The following GDAP1L1 variants were observed in gnomAD, a reference collection of about 807,000 sequenced individuals.
The protein encoded by GDAP1L1 is ganglioside induced differentiation associated protein 1 like 1.
In GDAP1L1, 21 loss-of-function variants were observed where a neutral mutation model predicts 37.1. The ratio of observed to expected loss-of-function variants is 0.57; its 90% confidence interval spans 0.40 to 0.81. The LOEUF (loss-of-function observed/expected upper bound fraction) is 0.81. Among genes scored for constraint, GDAP1L1 ranks in the 40% least tolerant of loss-of-function variants. GDAP1L1 has a pLI of 0.00. For synonymous variants in GDAP1L1, 193 were observed against 209.1 expected, an observed-to-expected ratio of 0.92 and a Z score of 0.67; for missense variants, 362 against 491.6, an observed-to-expected ratio of 0.74 and a Z score of 2.49.
chr20:44,268,884 A>G (rs913475744), intron 5 of GDAP1L1, among the ~76,000 whole-genome samples: 17 of 152,204 alleles, frequency 1.1e-4, no homozygotes, highest in Non-Finnish European at 1.0e-4. Context: ...TACAATGGGA[A>G]GTCCCTGGAG....
intron 3 of GDAP1L1, among the ~76,000 whole-genome samples, chr20:44,259,062 G>C (rs1316133992): frequency 1.3e-5 from 2 of 151,746 alleles, no homozygotes; most frequent in Non-Finnish European, 2.9e-5. Context: ...TGTGCTTCGT[G>C]GCCAAGGGCT....
In GDAP1L1 at chr20:44,264,756, C is replaced by T. The variant is rs1007375579; in HGVS notation, c.760+197C>T. On this transcript the variant is annotated intron_variant, in intron 5 of 5. Coordinates refer to ENST00000342560, the MANE Select transcript of GDAP1L1 (RefSeq NM_024034.6). ...CTTAGTAAATGTGGTCAGGTTCTCC[C>T]CTCTCTGAAATTCAGTTTCCCATCT... 8.7e-6 allele frequency: 11 copies of T among 1,259,658 alleles called. 1 individual carries two copies. The highest frequency in any genetic ancestry group is 5.9e-5 in the Admixed American group (2 of 33,808). 78.0% of individuals were successfully genotyped at this position (1,259,658 alleles called of 1,614,324 possible).
intron 5 of GDAP1L1, among the ~76,000 whole-genome samples, chr20:44,271,699 T>C (rs765590316): frequency 5.3e-5 from 8 of 151,962 alleles, no homozygotes; most frequent in Admixed American, 2.6e-4. Context: ...GATGTACAAA[T>C]GTGTTCTCAT....
Position 44,279,690 on chromosome 20 carries a change from A to G in GDAP1L1, c.*390A>G, listed in dbSNP as rs201172970. The G allele has an allele frequency of 2.1e-6, 1 of 475,928 alleles. No individual in the cohort carries two copies. The highest frequency in any genetic ancestry group is 4.3e-6 in the Non-Finnish European group (1 of 230,526). 29.5% of individuals were successfully genotyped at this position (475,928 alleles called of 1,614,324 possible). ...AGGTGCTGGGGACTCAGAGGGCCTG[A>G]CCCCTCACCTCCCCTTCCCTCTTGC... On this transcript the variant is annotated 3_prime_UTR_variant, in exon 6 of 6. Coordinates refer to ENST00000342560, the MANE Select transcript of GDAP1L1 (RefSeq NM_024034.6).
At chr20:44,260,596 G>T (rs978385752) in intron 3 of GDAP1L1, among the ~76,000 whole-genome samples, 2 of 152,120 alleles carry the variant, frequency 1.3e-5, no homozygotes, top group Non-Finnish European at 2.9e-5. Flanking sequence ...GGAGGTTCTG[G>T]GCATACACGA....
chr20:44,247,540 C>A, intron 1 of GDAP1L1, 26 bp downstream of exon 1: 6 of 1,464,372 alleles, frequency 4.1e-6, no homozygotes, highest in Non-Finnish European at 5.4e-6. Flanking sequence ...GAGCCGCCTG[C>A]GCCGGTGGCC....
chr20:44,257,455 A>T, intron 2 of GDAP1L1, 110 bp downstream of exon 2: 1 of 1,127,982 alleles, frequency 8.9e-7, no homozygotes, highest in Non-Finnish European at 1.2e-6. Context: ...AATTCACTGG[A>T]GCCATGGGCA....
chr20:44,263,279 G>A lies in GDAP1L1; in HGVS notation c.597G>A (p.Glu199=), dbSNP rs1268407180. 6.2e-7 allele frequency: 1 copy of A among 1,614,130 alleles called. No individual in the cohort carries two copies. Among genetic ancestry groups the A allele is most frequent in the South Asian group, 1.1e-5 (1 of 91,074 alleles). Residue 199 remains glutamate (E), a synonymous_variant, in exon 4 of 6, where the codon GAG becomes GAA. Coordinates refer to ENST00000342560, the MANE Select transcript of GDAP1L1 (RefSeq NM_024034.6). The part of the protein sequence containing the change: ...TTDLMKLDHE[E]EPQLSEPYLS... ...ACCTCATGAAACTGGACCATGAAGA[G>A]GAGCCCCAGCTCTCCGAGCCCTACC...
chr20:44,265,364 A>G (rs2073745812), intron 5 of GDAP1L1: 1 of 985,246 alleles, frequency 1.0e-6, no homozygotes, highest in Non-Finnish European at 1.2e-6. Context: ...CCTTCTTCAA[A>G]TCTCATTCTG....
chr20:44,263,912 T>A (rs2073717404), intron 4 of GDAP1L1, among the ~76,000 whole-genome samples: 1 of 151,910 alleles, frequency 6.6e-6, no homozygotes, highest in African/African-American at 2.4e-5. Flanking sequence ...CAGGGGTTCT[T>A]GGGAAAGGAG....
At chr20:44,257,118 G>A (rs369985818) in intron 1 of GDAP1L1, 35 bp from the exon 2 acceptor site, 10 of 1,524,524 alleles carry the variant, frequency 6.6e-6, no homozygotes, top group South Asian at 2.5e-5. Context: ...CCCTGTGTCC[G>A]CCCGCCTTCC....
At chr20:44,258,969 C>G (rs890681850) in intron 3 of GDAP1L1, among the ~76,000 whole-genome samples, 4 of 151,838 alleles carry the variant, frequency 2.6e-5, no homozygotes, top group Non-Finnish European at 5.9e-5. Context: ...TTGTCCTGCC[C>G]CCCCCATACA....
intron 5 of GDAP1L1, among the ~76,000 whole-genome samples, chr20:44,269,012 G>A (rs1435263916): frequency 6.6e-6 from 1 of 152,164 alleles, no homozygotes; most frequent in Non-Finnish European, 1.5e-5. Flanking sequence ...GGCAGTATGG[G>A]CTGGGCTCAG....
At chr20:44,252,362 G>A (rs542427683) in intron 1 of GDAP1L1, among the ~76,000 whole-genome samples, 1 of 152,190 alleles carries the variant, frequency 6.6e-6, no homozygotes, top group South Asian at 2.1e-4. Context: ...AATACAGGCT[G>A]GGCGTGGTGG....
At chr20:44,256,296 G>A (rs1017011809) in intron 1 of GDAP1L1, among the ~76,000 whole-genome samples, 3 of 152,140 alleles carry the variant, frequency 2.0e-5, no homozygotes, top group South Asian at 2.1e-4. Context: ...TAAAGGGCTC[G>A]ACTAATGTTG....
At chr20:44,258,841 C>T (rs1322273248) in intron 3 of GDAP1L1, among the ~76,000 whole-genome samples, 2 of 151,944 alleles carry the variant, frequency 1.3e-5, no homozygotes, top group African/African-American at 4.8e-5. Context: ...CTCTTGCTTG[C>T]CATCCCCTTC....
At chr20:44,275,077 A>G (rs140741283) in intron 5 of GDAP1L1, among the ~76,000 whole-genome samples, 4 of 152,144 alleles carry the variant, frequency 2.6e-5, no homozygotes, top group African/African-American at 7.2e-5. Context: ...ATTTTTCTGT[A>G]GAGAGGAGGG....
At chr20:44,273,991 A>G (rs1244241213) in intron 5 of GDAP1L1, among the ~76,000 whole-genome samples, 1 of 152,154 alleles carries the variant, frequency 6.6e-6, no homozygotes, top group Admixed American at 6.5e-5. Flanking sequence ...ACATCTTAGC[A>G]TCTCTGAAAC....
At chr20:44,253,602 C>T (rs1284347488) in intron 1 of GDAP1L1, among the ~76,000 whole-genome samples, 1 of 152,154 alleles carries the variant, frequency 6.6e-6, no homozygotes, top group Non-Finnish European at 1.5e-5. Context: ...CAGGGAAGTT[C>T]GTTTACCTAG....
Sources: allele counts gnomAD v4.1 joint callset (sites outside exome capture counted in the v4.1 genomes callset), GRCh38; gene constraint gnomAD v4.1.1; transcripts MANE v1.5; gene names NCBI Gene and HGNC (gene_info 2026-07-23, HGNC 2026-07-21).